DPP10: variants seen among roughly 807,000 people sequenced by gnomAD.
DPP10 encodes the protein inactive dipeptidyl peptidase 10.
Under a neutral mutation model 120.9 loss-of-function variants are expected in DPP10, and 33 were observed. The ratio of observed to expected loss-of-function variants is 0.27; its 90% CI spans 0.21 to 0.37. The LOEUF is 0.37. DPP10 is among the 10% of genes least tolerant of loss of function. The pLI is 1.00. For synonymous variants in DPP10, 337 were observed against 326.1 expected, an observed-to-expected ratio of 1.03 and a Z score of -0.36; for missense variants, 816 against 942.8, an observed-to-expected ratio of 0.87 and a Z score of 1.76.
At chr2:115,291,868 T>C (rs1486982702) in intron 1 of DPP10, among the ~76,000 whole-genome samples, 1 of 152,230 alleles carries the variant, frequency 6.6e-6, no homozygotes, top group East Asian at 1.9e-4. Flanking sequence ...ACGTGCTCCC[T>C]AAAAATCTAT....
At chr2:115,310,486 G>A (rs559725268) in intron 2 of DPP10, among the ~76,000 whole-genome samples, 2 of 152,218 alleles carry the variant, frequency 1.3e-5, no homozygotes, top group African/African-American at 4.8e-5. Flanking sequence ...CAAAAATGCA[G>A]TTTTTAGATG....
At chr2:115,573,830 C>T (rs2081496172) in intron 5 of DPP10, among the ~76,000 whole-genome samples, 1 of 152,102 alleles carries the variant, frequency 6.6e-6, no homozygotes, top group Non-Finnish European at 1.5e-5. Context: ...GCTGGAATGA[C>T]AGGTGTGAGT....
intron 1 of DPP10, among the ~76,000 whole-genome samples, chr2:114,828,177 T>A (rs1686734287): frequency 6.6e-6 from 1 of 152,152 alleles, no homozygotes; most frequent in Non-Finnish European, 1.5e-5. Flanking sequence ...ACAATGCAAG[T>A]TTCATCCTCT....
intron 1 of DPP10, among the ~76,000 whole-genome samples, chr2:115,192,619 CAG>C (rs2054964272): frequency 6.6e-6 from 1 of 152,172 alleles, no homozygotes; most frequent in Non-Finnish European, 1.5e-5. Context: ...GAAAACCAAA[CAG>C]CATTTTATAT....
chr2:114,706,506 C>A (rs1337335189), intron 1 of DPP10, among the ~76,000 whole-genome samples: 1 of 152,162 alleles, frequency 6.6e-6, no homozygotes, highest in African/African-American at 2.4e-5. Context: ...TTTTGACTTG[C>A]AGACACATCC....
chr2:114,939,330 G>A (rs1696723243), intron 1 of DPP10, among the ~76,000 whole-genome samples: 1 of 151,896 alleles, frequency 6.6e-6, no homozygotes, highest in Non-Finnish European at 1.5e-5. Flanking sequence ...TTCCCTCAGT[G>A]CTATTTACAA....
At chr2:114,750,832 C>T (rs535268254) in intron 1 of DPP10, among the ~76,000 whole-genome samples, 1 of 152,306 alleles carries the variant, frequency 6.6e-6, no homozygotes, top group South Asian at 2.1e-4. Flanking sequence ...CATTTTATCC[C>T]CTCAGCATTG....
At chr2:115,601,223 A>G (rs1223954824) in intron 5 of DPP10, among the ~76,000 whole-genome samples, 2 of 152,222 alleles carry the variant, frequency 1.3e-5, no homozygotes, top group African/African-American at 4.8e-5. Context: ...AAGAGAATTT[A>G]TTTAAGTAAG....
chr2:115,826,284 A>G (rs1015968751), intron 21 of DPP10, among the ~76,000 whole-genome samples: 3 of 152,232 alleles, frequency 2.0e-5, no homozygotes, highest in African/African-American at 4.8e-5. Flanking sequence ...ATTTTTATTT[A>G]AAGGCTATAA....
chr2:115,113,183 A>G (rs926521774), intron 1 of DPP10, among the ~76,000 whole-genome samples: 1 of 114 alleles, frequency 8.8e-3, no homozygotes, highest in Non-Finnish European at 0.019. Flanking sequence ...TATAACACAT[A>G]CAATATATGC....
intron 1 of DPP10, among the ~76,000 whole-genome samples, chr2:114,657,573 A>G (rs1697058792): frequency 6.6e-6 from 1 of 152,162 alleles, no homozygotes. Flanking sequence ...ACATAGTTTG[A>G]GCATAACCCA....
intron 3 of DPP10, among the ~76,000 whole-genome samples, chr2:115,409,965 G>C (rs893437760): frequency 1.3e-5 from 2 of 152,186 alleles, no homozygotes; most frequent in East Asian, 1.9e-4. Flanking sequence ...TAATCTATGA[G>C]GATACAAAGG....
At chr2:114,892,693 G>A (rs557075075) in intron 1 of DPP10, among the ~76,000 whole-genome samples, 134 of 152,156 alleles carry the variant, frequency 8.8e-4, no homozygotes, top group Non-Finnish European at 1.8e-3. Context: ...GTGCAGATAA[G>A]CCCTGTACAT....
chr2:114,787,640 GCCAC>G (rs1310933369), intron 1 of DPP10, among the ~76,000 whole-genome samples: 1 of 152,132 alleles, frequency 6.6e-6, no homozygotes, highest in African/African-American at 2.4e-5. Flanking sequence ...CCGTCACCAT[GCCAC>G]CCTTTACGTG....
chr2:114,972,485 C>G (rs1177437550), intron 1 of DPP10, among the ~76,000 whole-genome samples: 2 of 152,092 alleles, frequency 1.3e-5, no homozygotes, highest in African/African-American at 4.8e-5. Context: ...CCTACTCAAC[C>G]CACCCTTATA....
At chr2:114,729,012 G>A (rs1318765059) in intron 1 of DPP10, among the ~76,000 whole-genome samples, 2 of 152,188 alleles carry the variant, frequency 1.3e-5, no homozygotes, top group Non-Finnish European at 2.9e-5. Context: ...GACCCATAAT[G>A]GGAGGGAGGT....
chr2:115,031,779 T>C (rs1312199880), intron 1 of DPP10, among the ~76,000 whole-genome samples: 1 of 152,122 alleles, frequency 6.6e-6, no homozygotes, highest in East Asian at 1.9e-4. Flanking sequence ...TAGTGGAAAA[T>C]CACTTTGTTT....
intron 1 of DPP10, among the ~76,000 whole-genome samples, chr2:114,739,690 CA>C (rs1677832688): frequency 6.6e-6 from 1 of 152,012 alleles, no homozygotes. Flanking sequence ...AGATATCTGT[CA>C]GTTTTACCTG....
intron 1 of DPP10, chr2:115,233,871 C>A: frequency 4.0e-6 from 2 of 497,194 alleles, no homozygotes; most frequent in Admixed American, 2.1e-5. Flanking sequence ...CACACATACC[C>A]CATTTCTGCT....
Sources: gnomAD v4.1 joint callset for allele counts (sites outside exome capture counted in the v4.1 genomes callset) on GRCh38, gnomAD v4.1.1 for gene constraint, MANE v1.5 for transcripts, NCBI Gene and HGNC (gene_info 2026-07-23, HGNC 2026-07-21) for gene names.